CCDC141: variants seen among roughly 807,000 people sequenced by gnomAD.
CCDC141 encodes coiled-coil domain-containing protein 141.
Under a neutral mutation model 181.0 loss-of-function variants are expected in CCDC141, and 168 were observed. The observed-to-expected ratio is 0.93, with a 90% CI of 0.82 to 1.05. The LOEUF (loss-of-function observed/expected upper bound fraction) is 1.05. Ranked by LOEUF, CCDC141 falls within the 50% of genes least tolerant of loss-of-function variation. The pLI is 0.00. For missense variants in CCDC141, 1,902 were observed against 1,788.5 expected, an observed-to-expected ratio of 1.06 and a Z score of -1.14; for synonymous variants, 666 against 642.3, an observed-to-expected ratio of 1.04 and a Z score of -0.56.
intron 2 of CCDC141, among the ~76,000 whole-genome samples, chr2:178,985,682 C>T (rs2154381687): frequency 6.6e-6 from 1 of 152,252 alleles, no homozygotes; most frequent in South Asian, 2.1e-4. Context: ...GAGAATACTA[C>T]AAACACCACT....
intron 2 of CCDC141, among the ~76,000 whole-genome samples, chr2:178,986,468 G>A (rs1334616695): frequency 6.6e-6 from 1 of 152,188 alleles, no homozygotes; most frequent in Non-Finnish European, 1.5e-5. Flanking sequence ...TCTGGCCAGG[G>A]CAATTAGGCA....
intron 2 of CCDC141, among the ~76,000 whole-genome samples, chr2:179,035,548 C>G (rs1575375392): frequency 6.6e-6 from 1 of 152,174 alleles, no homozygotes; most frequent in Non-Finnish European, 1.5e-5. Flanking sequence ...CTGCCCCATG[C>G]AAGTCAGCTG....
chr2:178,957,846 C>T (rs1318202348), intron 5 of CCDC141, among the ~76,000 whole-genome samples: 1 of 152,166 alleles, frequency 6.6e-6, no homozygotes, highest in Non-Finnish European at 1.5e-5. Context: ...CTGACCTCAG[C>T]CTCCTGAGTA....
At chr2:178,906,620 C>T (rs182498320) in intron 7 of CCDC141, among the ~76,000 whole-genome samples, 31 of 152,268 alleles carry the variant, frequency 2.0e-4, no homozygotes, top group Non-Finnish European at 3.8e-4. Flanking sequence ...TCAGGCAGGG[C>T]CTTGAAGTGT....
At chr2:178,896,344 G>A (rs562461553) in intron 8 of CCDC141, among the ~76,000 whole-genome samples, 2 of 152,250 alleles carry the variant, frequency 1.3e-5, no homozygotes, top group East Asian at 1.9e-4. Flanking sequence ...TGGGCCCCTC[G>A]TGCCTGGAGC....
intron 2 of CCDC141, among the ~76,000 whole-genome samples, chr2:179,037,143 G>C (rs1185457624): frequency 6.6e-6 from 1 of 152,202 alleles, no homozygotes; most frequent in Non-Finnish European, 1.5e-5. Flanking sequence ...AGAGAGAAGA[G>C]AACCTGCAAC....
chr2:178,972,505 G>A lies in CCDC141; in HGVS notation c.526+2552C>T, dbSNP rs117835295. ...AGGAAGTATAGAGGGAGTCACCAAC[G>A]AATGTGTACATGTCCTGCTAAACTG... On this transcript the variant is annotated intron_variant, in intron 4 of 23. Coordinates refer to ENST00000443758, the MANE Select transcript of CCDC141 (RefSeq NM_173648.4). Among the ~76,000 whole-genome samples, 21 of 152,264 alleles carry A rather than the reference G, an allele frequency of 1.4e-4. No homozygotes were observed. In the East Asian group the frequency reaches 2.9e-3, roughly 21 times the overall value.
At position 178,877,994 on chromosome 2, in the gene CCDC141, T is replaced by G; in HGVS notation, c.1869A>C (p.Leu623=). Residue 623 remains leucine, a synonymous_variant, in exon 12 of 24, where the codon CTA becomes CTC. Coordinates refer to ENST00000443758, the MANE Select transcript of CCDC141 (RefSeq NM_173648.4). ...FLKKSFITQD[L]GLEFLNLINM... ...TTATTAAATTAAGGAACTCAAGCCCTAGATCTTGTGTTATAAAACTCTTCT... is the reference window on the plus strand; with the variant it reads ...TTATTAAATTAAGGAACTCAAGCCCGAGATCTTGTGTTATAAAACTCTTCT... 2 of 1,613,908 alleles carry G rather than the reference T, an allele frequency of 1.2e-6. No individual in the cohort carries two copies. The highest frequency in any genetic ancestry group is 3.3e-5 in the Admixed American group (2 of 59,992).
chr2:178,913,203 C>T (rs919142274), intron 7 of CCDC141, among the ~76,000 whole-genome samples: 4 of 152,172 alleles, frequency 2.6e-5, no homozygotes, highest in Non-Finnish European at 5.9e-5. Flanking sequence ...AGGGAGGGAA[C>T]ATAAGTGGCT....
chr2:178,995,739 T>C (rs1692258241), intron 2 of CCDC141, among the ~76,000 whole-genome samples: 1 of 152,226 alleles, frequency 6.6e-6, no homozygotes, highest in African/African-American at 2.4e-5. Context: ...CTTTGCTATT[T>C]AGAATAAACA....
At chr2:178,963,048 C>T (rs955619651) in intron 4 of CCDC141, among the ~76,000 whole-genome samples, 1 of 152,152 alleles carries the variant, frequency 6.6e-6, no homozygotes, top group Non-Finnish European at 1.5e-5. Flanking sequence ...AGGATAGAGA[C>T]CATGACTGCA....
chr2:179,004,756 A>G (rs1278054680), intron 2 of CCDC141, among the ~76,000 whole-genome samples: 1 of 152,080 alleles, frequency 6.6e-6, no homozygotes, highest in African/African-American at 2.4e-5. Context: ...TTTGAGACAG[A>G]GTCTTGCTCT....
intron 16 of CCDC141, among the ~76,000 whole-genome samples, chr2:178,867,460 A>G (rs1685903592): frequency 6.6e-6 from 1 of 152,184 alleles, no homozygotes; most frequent in Admixed American, 6.5e-5. Context: ...TACTAATGTG[A>G]TTGCTTTTCA....
chr2:178,841,959 G>C (rs973976449), intron 22 of CCDC141, among the ~76,000 whole-genome samples: 1 of 152,082 alleles, frequency 6.6e-6, no homozygotes, highest in Non-Finnish European at 1.5e-5. Flanking sequence ...AACTCACTGA[G>C]CTATATTTTC....
At chr2:178,922,734 A>G (rs1243860260) in intron 6 of CCDC141, among the ~76,000 whole-genome samples, 2 of 152,254 alleles carry the variant, frequency 1.3e-5, no homozygotes, top group South Asian at 2.1e-4. Context: ...TAAATTTTGC[A>G]GACAACATTA....
At chr2:178,892,316 C>T (rs781160495) in intron 8 of CCDC141, among the ~76,000 whole-genome samples, 5 of 152,186 alleles carry the variant, frequency 3.3e-5, no homozygotes, top group Non-Finnish European at 7.3e-5. Flanking sequence ...ACTCCACTCT[C>T]ACATGTGGCT....
At chr2:178,933,965 T>G (rs1057414374) in intron 6 of CCDC141, among the ~76,000 whole-genome samples, 1 of 152,194 alleles carries the variant, frequency 6.6e-6, no homozygotes, top group Non-Finnish European at 1.5e-5. Flanking sequence ...ATCTTCTAGT[T>G]TTTTTAAAGA....
At chr2:178,985,400 A>C (rs1239025677) in intron 2 of CCDC141, among the ~76,000 whole-genome samples, 2 of 141,732 alleles carry the variant, frequency 1.4e-5, no homozygotes, top group African/African-American at 5.2e-5. Context: ...CATCACAATT[A>C]AAAGAACTAG....
chr2:178,940,473 T>C (rs1293103764), intron 6 of CCDC141, among the ~76,000 whole-genome samples: 1 of 152,230 alleles, frequency 6.6e-6, no homozygotes, highest in Non-Finnish European at 1.5e-5. Context: ...AGACATATGT[T>C]GAGCCCATTA....
Sources: gnomAD v4.1 joint callset for allele counts (sites outside exome capture counted in the v4.1 genomes callset) on GRCh38, gnomAD v4.1.1 for gene constraint, MANE v1.5 for transcripts, NCBI Gene and HGNC (gene_info 2026-07-23, HGNC 2026-07-21) for gene names.